TANGO6: variants seen among roughly 807,000 people sequenced by gnomAD.
TANGO6 encodes transport and golgi organization 6 homolog, also known as transport and Golgi organization protein 6 homolog.
In TANGO6, 90 loss-of-function variants were observed where a neutral mutation model predicts 114.2. The ratio of observed to expected loss-of-function variants is 0.79; its 90% confidence interval spans 0.66 to 0.94. The LOEUF is 0.94. Ranked by LOEUF, TANGO6 falls within the 40% of genes least tolerant of loss-of-function variation. The pLI is 0.00. For synonymous variants in TANGO6, 477 were observed against 509.8 expected (o/e 0.94, Z 0.87); for missense variants, 1,274 against 1,315.3 (o/e 0.97, Z 0.49).
intron 11 of TANGO6, among the ~76,000 whole-genome samples, chr16:68,916,107 A>G (rs990975967): frequency 2.6e-5 from 4 of 152,194 alleles, no homozygotes; most frequent in African/African-American, 4.8e-5. Context: ...GCCAAATGCT[A>G]TATAAAATCT....
intron 17 of TANGO6, among the ~76,000 whole-genome samples, chr16:69,051,283 G>A (rs1345416847): frequency 6.6e-6 from 1 of 152,134 alleles, no homozygotes; most frequent in Non-Finnish European, 1.5e-5. Context: ...GCTCACGCCT[G>A]TAATCCCAGC....
intron 2 of TANGO6, 51 bp from the exon 3 acceptor site, chr16:68,862,894 A>C (rs1962119473): frequency 8.0e-7 from 1 of 1,247,676 alleles, no homozygotes; most frequent in Non-Finnish European, 1.1e-6. Context: ...TTTACCTTCT[A>C]TTGTCTGCCT....
chr16:68,863,344 A>T (rs995140286), intron 3 of TANGO6, among the ~76,000 whole-genome samples: 1 of 152,212 alleles, frequency 6.6e-6, no homozygotes, highest in South Asian at 2.1e-4. Flanking sequence ...ACGGTGGCTC[A>T]CGCCTGTAAT....
chr16:68,987,675 A>G (rs1171770127), intron 15 of TANGO6, among the ~76,000 whole-genome samples: 7 of 152,274 alleles, frequency 4.6e-5, no homozygotes, highest in African/African-American at 1.7e-4. Flanking sequence ...CAGCCTTTAA[A>G]TTGTTTATAT....
At chr16:68,913,804 A>G (rs903885174) in intron 11 of TANGO6, among the ~76,000 whole-genome samples, 2 of 152,158 alleles carry the variant, frequency 1.3e-5, no homozygotes, top group African/African-American at 4.8e-5. Flanking sequence ...GATAAGCTCT[A>G]AAAATGGAGT....
chr16:69,064,866 G>A (rs1960189805), intron 17 of TANGO6, among the ~76,000 whole-genome samples: 1 of 152,138 alleles, frequency 6.6e-6, no homozygotes, highest in Non-Finnish European at 1.5e-5. Context: ...TCCCACGTGG[G>A]AGGCTTTCCA....
intron 15 of TANGO6, among the ~76,000 whole-genome samples, chr16:69,005,260 G>T (rs1174891315): frequency 6.6e-6 from 1 of 150,442 alleles, no homozygotes; most frequent in East Asian, 1.9e-4. Flanking sequence ...AAAAGGATAA[G>T]CATGCAATTT....
chr16:68,909,400 C>T lies in TANGO6; in HGVS notation c.1990C>T (p.Gln664Ter). ...TGAGCAGATATTCACAAACGTCACT[C>T]AGGTCAGTAGTTGCCACATTCTGGA... ...MSEQIFTNVT[Q>*]VVDFVAATLQ... is the part of the protein sequence containing the mutation. Residue 664 changes from glutamine (Q) to a stop codon, truncating the protein, a stop_gained and splice_region_variant, in exon 11 of 18, where the codon CAG becomes TAG. Transcript: ENST00000261778. LOFTEE classifies it high-confidence loss of function. 2 of 1,529,716 alleles carry T rather than the reference C, an allele frequency of 1.3e-6. No homozygotes were observed. Among genetic ancestry groups the T allele is most frequent in the Non-Finnish European group, 1.8e-6 (2 of 1,133,016 alleles). The allele number at this position is 1,529,716 out of a possible 1,614,324, so 94.8% of individuals were successfully genotyped here.
intron 11 of TANGO6, among the ~76,000 whole-genome samples, chr16:68,912,090 G>A (rs571145565): frequency 1.3e-5 from 2 of 152,218 alleles, no homozygotes; most frequent in East Asian, 1.9e-4. Context: ...AAAGAATAAA[G>A]CATTTGTCTT....
At chr16:68,958,636 T>A (rs1359669775) in intron 14 of TANGO6, among the ~76,000 whole-genome samples, 1 of 152,044 alleles carries the variant, frequency 6.6e-6, no homozygotes, top group African/African-American at 2.4e-5. Flanking sequence ...TTTCCCTCTA[T>A]TTACAGATGT....
At chr16:68,851,207 T>C (rs1466227112) in intron 1 of TANGO6, among the ~76,000 whole-genome samples, 2 of 152,168 alleles carry the variant, frequency 1.3e-5, no homozygotes, top group Non-Finnish European at 2.9e-5. Flanking sequence ...TCTCCCAGGC[T>C]GGAGTGCAGT....
intron 16 of TANGO6, chr16:69,026,002 CTT>C (rs370610919): frequency 6.9e-5 from 10 of 144,394 alleles, no homozygotes; most frequent in South Asian, 2.2e-4. Context: ...CAAACTTTTT[CTT>C]TTTTTTTTTT....
intron 17 of TANGO6, among the ~76,000 whole-genome samples, chr16:69,044,783 T>C (rs990857663): frequency 1.3e-5 from 2 of 152,144 alleles, no homozygotes; most frequent in Non-Finnish European, 2.9e-5. Flanking sequence ...CTTAAGAGGC[T>C]GAGGCACGAG....
chr16:68,893,883 A>G (rs768946809), intron 7 of TANGO6, among the ~76,000 whole-genome samples: 3 of 151,856 alleles, frequency 2.0e-5, no homozygotes, highest in Non-Finnish European at 4.4e-5. Context: ...CCCCGCCCCA[A>G]CTAGAAAGAG....
chr16:68,851,246 G>A (rs185666645), intron 1 of TANGO6, among the ~76,000 whole-genome samples: 23 of 152,088 alleles, frequency 1.5e-4, no homozygotes, highest in East Asian at 3.9e-4. Context: ...TGCAACCTCC[G>A]TCTCCCAGGT....
At chr16:68,894,865 C>T (rs2152178325) in intron 7 of TANGO6, among the ~76,000 whole-genome samples, 1 of 152,202 alleles carries the variant, frequency 6.6e-6, no homozygotes, top group African/African-American at 2.4e-5. Flanking sequence ...ACTCCCATAT[C>T]CATGAAGCAA....
intron 16 of TANGO6, chr16:69,025,907 C>A: frequency 4.3e-6 from 1 of 233,356 alleles, no homozygotes; most frequent in South Asian, 7.8e-5. Context: ...TCAGTGTCAT[C>A]CAAATCTTAA....
chr16:69,071,379 A>G (rs1960295356), intron 17 of TANGO6, among the ~76,000 whole-genome samples: 1 of 152,180 alleles, frequency 6.6e-6, no homozygotes, highest in African/African-American at 2.4e-5. Flanking sequence ...GAAGTTATAG[A>G]TGGAAAAACC....
intron 1 of TANGO6, among the ~76,000 whole-genome samples, chr16:68,855,609 G>A (rs531515100): frequency 1.3e-5 from 2 of 152,162 alleles, no homozygotes; most frequent in African/African-American, 4.8e-5. Flanking sequence ...TTTCAGCCGG[G>A]CGTGGTGGTG....
Sources: allele counts gnomAD v4.1 joint callset (sites outside exome capture counted in the v4.1 genomes callset), GRCh38; gene constraint gnomAD v4.1.1; transcripts MANE v1.5; gene names NCBI Gene and HGNC (gene_info 2026-07-23, HGNC 2026-07-21).